ASB3: variants seen among roughly 807,000 people sequenced by gnomAD.
The protein encoded by ASB3 is ankyrin repeat and SOCS box containing 3.
In ASB3, 41 loss-of-function variants were observed where a neutral mutation model predicts 54.5. The ratio of observed to expected loss-of-function variants is 0.75; its 90% CI spans 0.59 to 0.98. The LOEUF (loss-of-function observed/expected upper bound fraction) is 0.98, where lower values mean the gene tolerates loss of function less well. ASB3 is among the 50% of genes least tolerant of loss of function. The pLI is 0.00. For synonymous variants in ASB3, 266 were observed against 221.2 expected (o/e 1.20, Z -1.80); for missense variants, 733 against 620.0 (o/e 1.18, Z -1.94).
chr2:53,730,530 T>G (rs768555164), intron 3 of ASB3, among the ~76,000 whole-genome samples: 4 of 152,164 alleles, frequency 2.6e-5, no homozygotes, highest in Non-Finnish European at 5.9e-5. Flanking sequence ...ATCTTTACAG[T>G]AGAATGATTT....
intron 7 of ASB3, among the ~76,000 whole-genome samples, chr2:53,703,687 A>G (rs1342235061): frequency 6.6e-6 from 1 of 152,222 alleles, no homozygotes; most frequent in Non-Finnish European, 1.5e-5. Context: ...AAAAGTAGAT[A>G]AAAGTTTATT....
At chr2:53,681,191 T>G (rs546370251) in intron 9 of ASB3, among the ~76,000 whole-genome samples, 2 of 152,318 alleles carry the variant, frequency 1.3e-5, no homozygotes, top group African/African-American at 4.8e-5. Context: ...CAATAAACAT[T>G]TTCTCTTCAA....
chr2:53,694,041 A>G (rs535737252), intron 8 of ASB3, 27 bp from the exon 9 acceptor site: 5 of 1,608,406 alleles, frequency 3.1e-6, no homozygotes, highest in East Asian at 4.5e-5. Flanking sequence ...TTAATATAAT[A>G]TTAGAAACAA....
chr2:53,696,742 C>T (rs1057165938), intron 8 of ASB3, among the ~76,000 whole-genome samples: 4 of 152,044 alleles, frequency 2.6e-5, no homozygotes, highest in Non-Finnish European at 5.9e-5. Context: ...AAAAATAACA[C>T]AAATTTAAAA....
At chr2:53,700,673 A>T in intron 7 of ASB3, 145 bp from the exon 8 acceptor site, 1 of 1,227,864 alleles carries the variant, frequency 8.1e-7, no homozygotes, top group South Asian at 1.7e-5. Context: ...TAGTGGATTG[A>T]GATTAGAGAA....
intron 3 of ASB3, among the ~76,000 whole-genome samples, chr2:53,732,445 T>A (rs944685498): frequency 1.1e-4 from 16 of 152,166 alleles, no homozygotes; most frequent in African/African-American, 3.6e-4. Flanking sequence ...TTAGCAAAAA[T>A]CATTCTATAG....
chr2:53,766,232 T>C (rs1673444441), intron 1 of ASB3, among the ~76,000 whole-genome samples: 1 of 152,188 alleles, frequency 6.6e-6, no homozygotes, highest in African/African-American at 2.4e-5. Flanking sequence ...AGCCCGGTTT[T>C]CCTACATAGC....
At chr2:53,721,106 G>C (rs1670679705) in intron 5 of ASB3, among the ~76,000 whole-genome samples, 1 of 150,104 alleles carries the variant, frequency 6.7e-6, no homozygotes, top group Non-Finnish European at 1.5e-5. Flanking sequence ...TACAGAGCAA[G>C]ACCCTGTCTC....
At chr2:53,753,321 T>C (rs1009895231) in intron 2 of ASB3, among the ~76,000 whole-genome samples, 1 of 152,120 alleles carries the variant, frequency 6.6e-6, no homozygotes, top group Non-Finnish European at 1.5e-5. Flanking sequence ...TCTACATGAA[T>C]ACTAAGAACA....
intron 9 of ASB3, among the ~76,000 whole-genome samples, chr2:53,680,661 A>G (rs1293338562): frequency 1.3e-5 from 2 of 152,236 alleles, no homozygotes; most frequent in Non-Finnish European, 2.9e-5. Context: ...CATGCAATGC[A>G]TAATAATCAT....
intron 2 of ASB3, among the ~76,000 whole-genome samples, chr2:53,764,570 A>C (rs10205590): frequency 0.43 from 65,587 of 152,124 alleles, 14,513 homozygotes; most frequent in East Asian, 0.57. Context: ...TACCCCCTCT[A>C]TACTAAATGT....
At chr2:53,673,675 C>T (rs1218749174) in intron 9 of ASB3, among the ~76,000 whole-genome samples, 4 of 152,090 alleles carry the variant, frequency 2.6e-5, no homozygotes, top group Admixed American at 6.6e-5. Flanking sequence ...ACTCCCAGTC[C>T]AGGGTTCTTT....
At chr2:53,758,169 C>G (rs1672943510) in intron 2 of ASB3, among the ~76,000 whole-genome samples, 1 of 152,166 alleles carries the variant, frequency 6.6e-6, no homozygotes, top group Non-Finnish European at 1.5e-5. Context: ...CCAATACTAC[C>G]TTGTTGTCAG....
chr2:53,682,728 C>T (rs994657451), intron 9 of ASB3, among the ~76,000 whole-genome samples: 32 of 152,134 alleles, frequency 2.1e-4, no homozygotes, highest in African/African-American at 5.1e-4. Context: ...CCACCCACCT[C>T]GGCCTCCCAA....
intron 1 of ASB3, among the ~76,000 whole-genome samples, chr2:53,778,697 C>T (rs1173616667): frequency 6.6e-6 from 1 of 152,192 alleles, no homozygotes; most frequent in East Asian, 1.9e-4. Context: ...CCATCCATGT[C>T]GTCACAAATG....
chr2:53,784,907 C>T (rs1191415922), intron 1 of ASB3, among the ~76,000 whole-genome samples: 1 of 152,236 alleles, frequency 6.6e-6, no homozygotes. Context: ...TTCCACACAG[C>T]AGCCACAATG....
intron 7 of ASB3, among the ~76,000 whole-genome samples, chr2:53,708,220 T>C (rs1294095622): frequency 1.3e-5 from 2 of 152,038 alleles, no homozygotes; most frequent in Non-Finnish European, 2.9e-5. Context: ...TGAGAGCTAG[T>C]TGTTTAAAAG....
intron 7 of ASB3, among the ~76,000 whole-genome samples, chr2:53,706,593 G>A (rs570867931): frequency 6.6e-4 from 101 of 152,102 alleles, no homozygotes; most frequent in African/African-American, 2.1e-3. Context: ...CTATAGGCAC[G>A]TGCCGCCACG....
At chr2:53,683,314 T>A (rs940553803) in intron 9 of ASB3, among the ~76,000 whole-genome samples, 2 of 152,104 alleles carry the variant, frequency 1.3e-5, no homozygotes, top group Non-Finnish European at 2.9e-5. Context: ...TGGGATAGAT[T>A]CCACTTGGTC....
Sources: allele counts gnomAD v4.1 joint callset (sites outside exome capture counted in the v4.1 genomes callset), GRCh38; gene constraint gnomAD v4.1.1; transcripts MANE v1.5; gene names NCBI Gene and HGNC (gene_info 2026-07-23, HGNC 2026-07-21).